The following NKAIN3 variants were observed in gnomAD, a reference collection of about 807,000 sequenced individuals.
NKAIN3 encodes the protein sodium/potassium transporting ATPase interacting 3.
Under a neutral mutation model 30.2 loss-of-function variants are expected in NKAIN3, and 25 were observed. That is an observed-to-expected ratio of 0.83 (90% CI 0.60 to 1.16). The LOEUF (loss-of-function observed/expected upper bound fraction) is 1.16. Among genes scored for constraint, NKAIN3 ranks in the 50% most tolerant of loss-of-function variants. The pLI, the probability that NKAIN3 is intolerant of heterozygous loss-of-function variation, is 0.00. For synonymous variants in NKAIN3, 91 were observed against 89.6 expected (o/e 1.02, Z -0.09); for missense variants, 225 against 254.1 (o/e 0.89, Z 0.78).
intron 1 of NKAIN3, among the ~76,000 whole-genome samples, chr8:62,517,764 G>A (rs2129768763): frequency 6.6e-6 from 1 of 152,180 alleles, no homozygotes; most frequent in Non-Finnish European, 1.5e-5. Context: ...ATTTTGTTCT[G>A]TCAGGACCAT....
chr8:62,735,540 T>C (rs1815633884), intron 3 of NKAIN3, among the ~76,000 whole-genome samples: 1 of 152,168 alleles, frequency 6.6e-6, no homozygotes, highest in Non-Finnish European at 1.5e-5. Context: ...GATTTTTCTT[T>C]CATATCCTGT....
chr8:62,874,497 G>A (rs1055919172), intron 4 of NKAIN3, among the ~76,000 whole-genome samples: 2 of 152,110 alleles, frequency 1.3e-5, no homozygotes, highest in African/African-American at 4.8e-5. Context: ...ACCAAAACAG[G>A]GAAGAGACGC....
intron 3 of NKAIN3, among the ~76,000 whole-genome samples, chr8:62,617,082 A>T (rs1811479340): frequency 6.8e-6 from 1 of 147,982 alleles, no homozygotes; most frequent in Non-Finnish European, 1.5e-5. Context: ...CACCTGCTCC[A>T]CTTTTCTTTC....
In NKAIN3 at chr8:62,710,046, G is replaced by T. The variant is rs192929167; in HGVS notation, c.274-36886G>T. Among the ~76,000 whole-genome samples the T allele has an allele frequency of 2.5e-3, 381 of 152,160 alleles. 2 individuals carry two copies. The highest frequency in any genetic ancestry group is 8.3e-3 in the African/African-American group (346 of 41,518). ...TGCATTGTTTTGAAGGTTCCTTTTA[G>T]AGTTGATTTCCAGTTTCATTCCACT... On this transcript the variant is annotated intron_variant, in intron 3 of 6. Transcript: ENST00000623646.
chr8:62,958,901 C>T (rs1037888313), intron 6 of NKAIN3, among the ~76,000 whole-genome samples: 1 of 152,166 alleles, frequency 6.6e-6, no homozygotes, highest in Non-Finnish European at 1.5e-5. Context: ...AAAGGTAGAG[C>T]TAGATCTGAT....
chr8:62,401,630 A>G lies in NKAIN3; in HGVS notation c.54+152503A>G, dbSNP rs373126170. Among the ~76,000 whole-genome samples the G allele has an allele frequency of 1.2e-4, 19 of 152,294 alleles. No homozygotes were observed. In the East Asian group the frequency reaches 1.7e-3, roughly 14 times the overall value. ...ATCTAAGTTTTTGGTTACTGCAGGC[A>G]TATCTGCATTAGGAGGAACCCCACG... On this transcript the variant is annotated intron_variant, in intron 1 of 6. Transcript: ENST00000623646.
At chr8:62,418,320 T>C (rs752706764) in intron 1 of NKAIN3, among the ~76,000 whole-genome samples, 52 of 152,170 alleles carry the variant, frequency 3.4e-4, no homozygotes, top group Non-Finnish European at 6.5e-4. Flanking sequence ...GCTACTTGAG[T>C]GTCCACCATT....
chr8:62,427,604 T>G (rs1472722562), intron 1 of NKAIN3, among the ~76,000 whole-genome samples: 1 of 152,030 alleles, frequency 6.6e-6, no homozygotes, highest in Non-Finnish European at 1.5e-5. Flanking sequence ...CATGTCTCTG[T>G]GTACAAAGCT....
At chr8:62,878,739 C>T (rs1284194717) in intron 4 of NKAIN3, among the ~76,000 whole-genome samples, 1 of 147,996 alleles carries the variant, frequency 6.8e-6, no homozygotes, top group Non-Finnish European at 1.5e-5. Flanking sequence ...TCAATTCCCA[C>T]CTATGAGTGA....
At chr8:62,658,159 C>T (rs896165467) in intron 3 of NKAIN3, among the ~76,000 whole-genome samples, 26 of 152,200 alleles carry the variant, frequency 1.7e-4, no homozygotes, top group Admixed American at 1.6e-3. Context: ...TGTATTCTCA[C>T]AAAGTCATGA....
intron 1 of NKAIN3, among the ~76,000 whole-genome samples, chr8:62,438,382 G>A (rs1031358902): frequency 6.6e-6 from 1 of 152,072 alleles, no homozygotes; most frequent in African/African-American, 2.4e-5. Context: ...CACAAATAGG[G>A]TGACATTTGT....
intron 1 of NKAIN3, among the ~76,000 whole-genome samples, chr8:62,539,473 A>G (rs78191708): frequency 0.012 from 1,882 of 152,332 alleles, 32 homozygotes; most frequent in African/African-American, 0.042. Context: ...AATCACCAAA[A>G]TTAGAGGTAT....
chr8:62,630,585 G>T (rs895470438), intron 3 of NKAIN3, among the ~76,000 whole-genome samples: 3 of 152,138 alleles, frequency 2.0e-5, no homozygotes, highest in African/African-American at 7.2e-5. Context: ...CTGTGATGGG[G>T]TGTGTATCCA....
chr8:62,838,574 C>A (rs891063917), intron 4 of NKAIN3, among the ~76,000 whole-genome samples: 3 of 151,740 alleles, frequency 2.0e-5, no homozygotes, highest in African/African-American at 7.3e-5. Context: ...AAGTTTCTGC[C>A]AGAGAAAATT....
At chr8:62,494,955 A>C (rs962610935) in intron 1 of NKAIN3, among the ~76,000 whole-genome samples, 18 of 152,082 alleles carry the variant, frequency 1.2e-4, no homozygotes, top group Admixed American at 1.2e-3. Context: ...TTTTCAAAAA[A>C]ATGACTCCTG....
intron 4 of NKAIN3, among the ~76,000 whole-genome samples, chr8:62,803,912 T>TA (rs1214664420): frequency 2.6e-5 from 4 of 151,864 alleles, no homozygotes; most frequent in Middle Eastern, 6.8e-3. Flanking sequence ...ATAGACGCAA[T>TA]AAAAAATGAT....
chr8:62,668,638 C>T (rs1255255488), intron 3 of NKAIN3, among the ~76,000 whole-genome samples: 1 of 152,118 alleles, frequency 6.6e-6, no homozygotes. Context: ...ACAAAATTAA[C>T]ACCACATCAC....
chr8:62,998,581 C>G (rs1804181059), intron 5 of NKAIN3, among the ~76,000 whole-genome samples: 4 of 152,150 alleles, frequency 2.6e-5, no homozygotes, highest in African/African-American at 4.8e-5. Context: ...GGCTGCTTTT[C>G]ATTTTTCTAT....
At chr8:62,863,663 C>T in intron 4 of NKAIN3, 6 of 1,378,514 alleles carry the variant, frequency 4.4e-6, no homozygotes, top group Non-Finnish European at 6.2e-6. Flanking sequence ...TTCTCGAACA[C>T]ATTTGAGCAA....
Sources: allele counts gnomAD v4.1 joint callset (sites outside exome capture counted in the v4.1 genomes callset), GRCh38; gene constraint gnomAD v4.1.1; transcripts MANE v1.5; gene names NCBI Gene and HGNC (gene_info 2026-07-23, HGNC 2026-07-21).